The following SORCS3 variants were observed in gnomAD, a reference collection of about 807,000 sequenced individuals.
SORCS3 encodes the protein VPS10 domain-containing receptor SorCS3.
In SORCS3, 57 loss-of-function variants were observed where a neutral mutation model predicts 146.3. That is an observed-to-expected ratio of 0.39 (90% CI 0.31 to 0.49). The LOEUF (loss-of-function observed/expected upper bound fraction) is 0.49, where lower values mean the gene tolerates loss of function less well. Ranked by LOEUF, SORCS3 falls within the 20% of genes least tolerant of loss-of-function variation. The pLI is 0.92. For synonymous variants in SORCS3, 653 were observed against 618.5 expected (o/e 1.06, Z -0.83); for missense variants, 1,341 against 1,575.5 (o/e 0.85, Z 2.52).
chr10:105,019,951 A>G (rs1280173987), intron 4 of SORCS3, among the ~76,000 whole-genome samples: 3 of 152,200 alleles, frequency 2.0e-5, no homozygotes, highest in East Asian at 3.8e-4. Context: ...TTAAAAGGGC[A>G]TTGATTACCA....
rs543656266 is a variant in SORCS3, at chr10:104,954,490, C to T, written c.796-22845C>T. Among the ~76,000 whole-genome samples the T allele has an allele frequency of 3.7e-4, 56 of 152,082 alleles. 1 individual carries two copies. The highest frequency in any genetic ancestry group is 5.4e-4 in the Non-Finnish European group (37 of 68,030). Reference sequence around the variant, plus strand: ...TACCAACTTTTTAAATGAGAGCATTCGGGCATAGCATTTGAGCATGAGGGG... The same window carrying T: ...TACCAACTTTTTAAATGAGAGCATTTGGGCATAGCATTTGAGCATGAGGGG... On this transcript the variant is annotated intron_variant, in intron 3 of 26. Coordinates refer to ENST00000369701, the MANE Select transcript of SORCS3 (RefSeq NM_014978.3).
chr10:105,207,089 C>G (rs140326307), intron 16 of SORCS3, among the ~76,000 whole-genome samples: 152 of 152,186 alleles, frequency 1.0e-3, no homozygotes, highest in African/African-American at 3.1e-3. Flanking sequence ...AGTGGGTGCC[C>G]TATGGGATTG....
At chr10:105,172,652 A>G (rs1016441742) in intron 13 of SORCS3, among the ~76,000 whole-genome samples, 3 of 152,138 alleles carry the variant, frequency 2.0e-5, no homozygotes, top group African/African-American at 7.2e-5. Context: ...TTTTTCCCTA[A>G]GCTGCCTAAA....
intron 4 of SORCS3, among the ~76,000 whole-genome samples, chr10:105,013,099 A>G (rs1017913044): frequency 6.6e-6 from 1 of 152,158 alleles, no homozygotes; most frequent in Non-Finnish European, 1.5e-5. Flanking sequence ...AGGTTTAAGG[A>G]GAAAAACTAC....
At chr10:104,803,102 CAG>C (rs1363560492) in intron 1 of SORCS3, among the ~76,000 whole-genome samples, 1 of 152,084 alleles carries the variant, frequency 6.6e-6, no homozygotes, top group African/African-American at 2.4e-5. Context: ...GATAGGGAGA[CAG>C]AAATTTCTTT....
intron 1 of SORCS3, among the ~76,000 whole-genome samples, chr10:104,795,093 C>G (rs1227195770): frequency 2.0e-5 from 3 of 152,160 alleles, no homozygotes; most frequent in Admixed American, 6.5e-5. Context: ...CCTACACACA[C>G]AATTAAAATC....
At chr10:104,687,270 A>G (rs1250941595) in intron 1 of SORCS3, among the ~76,000 whole-genome samples, 1 of 152,056 alleles carries the variant, frequency 6.6e-6, no homozygotes, top group Non-Finnish European at 1.5e-5. Context: ...AAATCATCCA[A>G]CCAATCTGGC....
At chr10:105,125,863 T>C (rs181554062) in intron 7 of SORCS3, among the ~76,000 whole-genome samples, 2 of 151,990 alleles carry the variant, frequency 1.3e-5, no homozygotes, top group African/African-American at 4.8e-5. Flanking sequence ...ACATCGTGAG[T>C]GTGGCTGTAT....
chr10:104,656,373 G>A (rs1305724583), intron 1 of SORCS3, among the ~76,000 whole-genome samples: 1 of 152,098 alleles, frequency 6.6e-6, no homozygotes, highest in African/African-American at 2.4e-5. Context: ...CAGCAAAGGG[G>A]TGGCCTGGCC....
chr10:104,913,958 G>A (rs1240537094), intron 2 of SORCS3, among the ~76,000 whole-genome samples: 3 of 151,628 alleles, frequency 2.0e-5, no homozygotes. Context: ...TAGTAGAGAC[G>A]GGGTTTCACC....
intron 4 of SORCS3, among the ~76,000 whole-genome samples, chr10:104,996,823 T>A (rs571283500): frequency 4.6e-5 from 7 of 151,716 alleles, no homozygotes; most frequent in East Asian, 3.9e-4. Flanking sequence ...AAAAAAAAAT[T>A]TTTACTACCA....
chr10:104,712,054 C>T (rs1014294976), intron 1 of SORCS3, among the ~76,000 whole-genome samples: 1 of 152,136 alleles, frequency 6.6e-6, no homozygotes, highest in Non-Finnish European at 1.5e-5. Flanking sequence ...ATAAGTTTCT[C>T]CCCTTTCCTA....
chr10:105,241,566 C>T (rs1264171614), intron 20 of SORCS3, among the ~76,000 whole-genome samples: 6 of 152,078 alleles, frequency 3.9e-5, no homozygotes, highest in African/African-American at 1.4e-4. Context: ...CTCGGTGGGT[C>T]CTGAACTCTT....
chr10:105,104,752 CCTAATTGGATCATACTACACATGATG>C (rs2055809520), intron 6 of SORCS3, among the ~76,000 whole-genome samples: 2 of 152,164 alleles, frequency 1.3e-5, no homozygotes, highest in Admixed American at 1.3e-4. Context: ...ATGGCACAAG[CCTAATTGGATCATACTACACATGATG>C]CTAACTAATT....
At chr10:104,927,461 A>T (rs1451599849) in intron 3 of SORCS3, among the ~76,000 whole-genome samples, 3 of 152,246 alleles carry the variant, frequency 2.0e-5, no homozygotes, top group Non-Finnish European at 4.4e-5. Flanking sequence ...ATTGATCTGT[A>T]TCTTGAGAGA....
At chr10:105,205,630 AC>A (rs201381873) in intron 16 of SORCS3, among the ~76,000 whole-genome samples, 1,622 of 152,248 alleles carry the variant, frequency 0.011, 34 homozygotes, top group South Asian at 0.045. Context: ...CCTCCAGGAG[AC>A]CTGAATTCAC....
intron 7 of SORCS3, 95 bp downstream of exon 7, chr10:105,105,610 G>T: frequency 1.2e-6 from 1 of 861,706 alleles, no homozygotes; most frequent in Non-Finnish European, 2.0e-6. Flanking sequence ...AGGTTGTGAA[G>T]ATGTGGAGTT....
intron 16 of SORCS3, among the ~76,000 whole-genome samples, chr10:105,204,082 C>T (rs10884114): frequency 0.43 from 65,866 of 151,736 alleles, 14,584 homozygotes; most frequent in South Asian, 0.53. Context: ...GTGGGAGAGG[C>T]GAGGGGGAGC....
chr10:104,794,604 T>A (rs3001925), intron 1 of SORCS3, among the ~76,000 whole-genome samples: 71,093 of 140,066 alleles, frequency 0.51, 18,192 homozygotes, highest in African/African-American at 0.65. Context: ...TGTGTGTGTG[T>A]GAGAGAGAGA....
Sources: gnomAD v4.1 joint callset for allele counts (sites outside exome capture counted in the v4.1 genomes callset) on GRCh38, gnomAD v4.1.1 for gene constraint, MANE v1.5 for transcripts, NCBI Gene and HGNC (gene_info 2026-07-23, HGNC 2026-07-21) for gene names.